Variants in CNTNAP5 observed in about 807,000 individuals in gnomAD.
CNTNAP5 encodes contactin-associated protein-like 5.
CNTNAP5 carries 72 observed loss-of-function variants against 150.2 expected under a neutral mutation model. The observed-to-expected ratio is 0.48, with a 90% CI of 0.40 to 0.58. CNTNAP5 has a LOEUF of 0.58. Among genes scored for constraint, CNTNAP5 ranks in the 20% least tolerant of loss-of-function variants. The pLI, the probability that CNTNAP5 is intolerant of heterozygous loss-of-function variation, is 0.00. For synonymous variants in CNTNAP5, 672 were observed against 619.8 expected (o/e 1.08, Z -1.25); for missense variants, 1,636 against 1,626.2 (o/e 1.01, Z -0.10).
At chr2:124,827,357 G>A (rs1352105378) in intron 19 of CNTNAP5, among the ~76,000 whole-genome samples, 1 of 152,146 alleles carries the variant, frequency 6.6e-6, no homozygotes, top group Non-Finnish European at 1.5e-5. Flanking sequence ...TCACTGACCA[G>A]GTGGGTCTGG....
intron 1 of CNTNAP5, among the ~76,000 whole-genome samples, chr2:124,139,117 G>A (rs990084078): frequency 1.3e-5 from 2 of 151,344 alleles, no homozygotes. Flanking sequence ...TTTTGTTGGA[G>A]TTTTTTTTTC....
At chr2:124,206,990 C>T (rs185038927) in intron 1 of CNTNAP5, among the ~76,000 whole-genome samples, 1 of 152,182 alleles carries the variant, frequency 6.6e-6, no homozygotes, top group Non-Finnish European at 1.5e-5. Context: ...CACATATATT[C>T]TGTTCAACTC....
chr2:124,244,976 T>C (rs1686982069), intron 3 of CNTNAP5, among the ~76,000 whole-genome samples: 1 of 152,200 alleles, frequency 6.6e-6, no homozygotes, highest in African/African-American at 2.4e-5. Flanking sequence ...TATTCCTAAA[T>C]ATAGTTGGTT....
At chr2:124,285,556 T>C (rs1479515582) in intron 3 of CNTNAP5, among the ~76,000 whole-genome samples, 3 of 151,918 alleles carry the variant, frequency 2.0e-5, no homozygotes, top group Non-Finnish European at 4.4e-5. Context: ...TCTCAACAAT[T>C]TGGGAAGCCG....
intron 3 of CNTNAP5, among the ~76,000 whole-genome samples, chr2:124,283,177 T>A (rs1194640044): frequency 6.6e-6 from 1 of 152,162 alleles, no homozygotes; most frequent in Non-Finnish European, 1.5e-5. Flanking sequence ...TTGGTCTTGG[T>A]TGAGGAGGTA....
intron 3 of CNTNAP5, among the ~76,000 whole-genome samples, chr2:124,366,691 C>T (rs1019247429): frequency 6.6e-6 from 1 of 152,172 alleles, no homozygotes; most frequent in South Asian, 2.1e-4. Flanking sequence ...ACCATTTCTT[C>T]CTCTGATTGA....
At chr2:124,573,502 A>G (rs545287822) in intron 11 of CNTNAP5, among the ~76,000 whole-genome samples, 2 of 152,356 alleles carry the variant, frequency 1.3e-5, no homozygotes, top group East Asian at 3.9e-4. Context: ...CCTACAAGCA[A>G]CAAAAGATTC....
At chr2:124,054,608 G>C (rs1017282489) in intron 1 of CNTNAP5, among the ~76,000 whole-genome samples, 1 of 152,154 alleles carries the variant, frequency 6.6e-6, no homozygotes, top group Non-Finnish European at 1.5e-5. Context: ...AAGAAATTAA[G>C]TTCTGTGGGA....
Position 124,853,973 on chromosome 2 carries a change from A to G in CNTNAP5, c.3218-11333A>G, listed in dbSNP as rs186718679. The stretch of plus-strand genomic sequence containing the variant: ...GGCTTCCAGCTCCATCCCTGTTCCC[A>G]CAAAAGACATGATCTCATTCTTTTT... On this transcript the variant is annotated intron_variant, in intron 19 of 23. Coordinates refer to ENST00000682447, the MANE Select transcript of CNTNAP5 (RefSeq NM_001367498.1). Among the ~76,000 whole-genome samples the G allele has an allele frequency of 3.2e-4, 49 of 152,294 alleles. 1 individual carries two copies. The East Asian group carries it at 7.1e-3, about 22-fold the overall frequency.
intron 13 of CNTNAP5, among the ~76,000 whole-genome samples, chr2:124,716,252 C>A (rs1264819636): frequency 6.6e-6 from 1 of 152,118 alleles, no homozygotes; most frequent in South Asian, 2.1e-4. Flanking sequence ...CTGGCACATA[C>A]AATTTTTCTC....
chr2:124,902,995 G>A lies in CNTNAP5; in HGVS notation c.3550G>A (p.Ala1184Thr). 1 of 1,612,276 alleles carries A rather than the reference G, an allele frequency of 6.2e-7. No homozygotes were observed. The highest frequency in any genetic ancestry group is 8.5e-7 in the Non-Finnish European group (1 of 1,179,160). Residue 1184 changes from alanine to threonine, a missense_variant, in exon 22 of 24, where the codon GCC (alanine) becomes ACC (threonine). Ala to Thr is a moderately conservative substitution (Grantham distance 58). Coordinates refer to ENST00000682447, the MANE Select transcript of CNTNAP5 (RefSeq NM_001367498.1). ...IAPLKAALRH[A>T]TVAPVTVHGT... ...ACCACTGAAGGCTGCCCTGCGCCAT[G>A]CCACTGTCGCGCCTGTGACTGTCCA...
intron 1 of CNTNAP5, among the ~76,000 whole-genome samples, chr2:124,073,785 T>TA (rs778061679): frequency 7.9e-5 from 12 of 152,142 alleles, no homozygotes; most frequent in Admixed American, 3.9e-4. Context: ...TGAAGGTTCT[T>TA]AAAAAAACTA....
chr2:124,482,788 G>T (rs2104841489), intron 7 of CNTNAP5, among the ~76,000 whole-genome samples: 1 of 152,248 alleles, frequency 6.6e-6, no homozygotes, highest in African/African-American at 2.4e-5. Flanking sequence ...CTCTCCCTCT[G>T]GGTTGAAGGA....
intron 3 of CNTNAP5, among the ~76,000 whole-genome samples, chr2:124,358,551 A>G (rs1690093902): frequency 6.6e-6 from 1 of 152,186 alleles, no homozygotes; most frequent in African/African-American, 2.4e-5. Context: ...TTCTGCATCT[A>G]TTGAGATAAT....
At chr2:124,429,613 A>G (rs1401275965) in intron 4 of CNTNAP5, among the ~76,000 whole-genome samples, 1 of 152,180 alleles carries the variant, frequency 6.6e-6, no homozygotes, top group Non-Finnish European at 1.5e-5. Flanking sequence ...AATCTCTGAG[A>G]ACAGCAAAGT....
chr2:124,567,573 A>G (rs1285269480), intron 11 of CNTNAP5, among the ~76,000 whole-genome samples: 5 of 152,172 alleles, frequency 3.3e-5, no homozygotes, highest in Non-Finnish European at 5.9e-5. Context: ...CCACAGGAGT[A>G]ACCGAATAAA....
chr2:124,074,381 A>G (rs886212305), intron 1 of CNTNAP5, among the ~76,000 whole-genome samples: 1 of 152,146 alleles, frequency 6.6e-6, no homozygotes, highest in Admixed American at 6.6e-5. Flanking sequence ...AGATGCTTGA[A>G]GGGATGGCTG....
At chr2:124,403,688 G>C (rs1322500747) in intron 3 of CNTNAP5, among the ~76,000 whole-genome samples, 2 of 152,148 alleles carry the variant, frequency 1.3e-5, no homozygotes, top group Non-Finnish European at 2.9e-5. Context: ...TTACAGTCCG[G>C]GTGCCTTGCT....
intron 3 of CNTNAP5, among the ~76,000 whole-genome samples, chr2:124,394,850 G>A (rs2247990): frequency 6.6e-6 from 1 of 151,982 alleles, no homozygotes; most frequent in Admixed American, 6.6e-5. Context: ...TGCCCACCAG[G>A]GAATCTTGTG....
Sources: allele counts gnomAD v4.1 joint callset (sites outside exome capture counted in the v4.1 genomes callset), GRCh38; gene constraint gnomAD v4.1.1; transcripts MANE v1.5; gene names NCBI Gene and HGNC (gene_info 2026-07-23, HGNC 2026-07-21).